ZNF385D: variants seen among roughly 807,000 people sequenced by gnomAD.
ZNF385D encodes zinc finger protein 385D, also known as zinc finger protein 659.
In ZNF385D, 15 loss-of-function variants were observed where a neutral mutation model predicts 35.8. That is an observed-to-expected ratio of 0.42 (90% confidence interval 0.28 to 0.64). The LOEUF is 0.64. Among genes scored for constraint, ZNF385D ranks in the 30% least tolerant of loss-of-function variants. The pLI is 0.23. For synonymous variants in ZNF385D, 212 were observed against 186.8 expected, an observed-to-expected ratio of 1.13 and a Z score of -1.10; for missense variants, 474 against 494.6, an observed-to-expected ratio of 0.96 and a Z score of 0.39.
At chr3:21,708,860 T>TGC (rs1268813170) in intron 1 of ZNF385D, among the ~76,000 whole-genome samples, 272 of 135,124 alleles carry the variant, frequency 2.0e-3, no homozygotes, top group Non-Finnish European at 3.6e-3. Context: ...TGTGTGGGCG[T>TGC]GCACACACAC....
At chr3:21,758,696 C>T (rs1037256077) in intron 3 of ZNF385D, among the ~76,000 whole-genome samples, 2 of 152,102 alleles carry the variant, frequency 1.3e-5, no homozygotes, top group Admixed American at 6.5e-5. Context: ...AAGCGTTACA[C>T]ACTTCCTTTC....
intron 3 of ZNF385D, among the ~76,000 whole-genome samples, chr3:22,126,007 G>T (rs1452714560): frequency 2.0e-5 from 3 of 151,650 alleles, no homozygotes; most frequent in Non-Finnish European, 4.4e-5. Flanking sequence ...TAGAGAAAAA[G>T]CTTTTAATTT....
chr3:21,787,884 G>A (rs2071757836), intron 3 of ZNF385D, among the ~76,000 whole-genome samples: 1 of 148,114 alleles, frequency 6.8e-6, no homozygotes, highest in Non-Finnish European at 1.5e-5. Context: ...GGAGCTTGCA[G>A]AGAGGCGAGA....
At chr3:22,098,213 T>C (rs1701734674) in intron 3 of ZNF385D, among the ~76,000 whole-genome samples, 2 of 152,028 alleles carry the variant, frequency 1.3e-5, no homozygotes, top group Non-Finnish European at 2.9e-5. Context: ...ATTTTCAACC[T>C]TGCATCATGG....
intron 2 of ZNF385D, among the ~76,000 whole-genome samples, chr3:22,272,561 C>T (rs557399630): frequency 6.6e-6 from 1 of 152,052 alleles, no homozygotes; most frequent in Non-Finnish European, 1.5e-5. Context: ...TGAAAGCAGC[C>T]TTGTAAAACC....
chr3:21,830,565 TCTTA>T (rs1442691229), intron 3 of ZNF385D, among the ~76,000 whole-genome samples: 1 of 152,262 alleles, frequency 6.6e-6, no homozygotes, highest in African/African-American at 2.4e-5. Context: ...GCTTAGCAAT[TCTTA>T]CTTGGTATTT....
At chr3:22,169,946 C>T (rs1694292124) in intron 2 of ZNF385D, among the ~76,000 whole-genome samples, 1 of 152,246 alleles carries the variant, frequency 6.6e-6, no homozygotes, top group Admixed American at 6.5e-5. Flanking sequence ...AGGTGTGTGC[C>T]ACCAATTATT....
intron 3 of ZNF385D, among the ~76,000 whole-genome samples, chr3:22,022,253 A>G (rs1415463391): frequency 6.6e-6 from 1 of 152,158 alleles, no homozygotes; most frequent in Non-Finnish European, 1.5e-5. Context: ...TTAAGCTTCA[A>G]AGGAATGTTA....
rs1700508454 is a variant in ZNF385D, at chr3:21,412,652, G to A, written c.*8562C>T. Reference sequence around the variant, plus strand: ...ATTGTCAAAGAGAGAGGATATAATGGCTAAGGATGTTCCTAGAGCTGCTGA... The same window carrying A: ...ATTGTCAAAGAGAGAGGATATAATGACTAAGGATGTTCCTAGAGCTGCTGA... On this transcript the variant is annotated 3_prime_UTR_variant, in exon 8 of 8. Transcript: ENST00000281523. 1 of 152,012 alleles carries A rather than the reference G, an allele frequency of 6.6e-6. No individual in the cohort carries two copies. Among genetic ancestry groups the A allele is most frequent in the Non-Finnish European group, 1.5e-5 (1 of 67,960 alleles). The allele number at this position is 152,012 out of a possible 1,614,324, so 9.4% of individuals were successfully genotyped here. A position where few individuals can be genotyped will look rare whatever the true frequency, so the allele number is the denominator to read the frequency against.
intron 3 of ZNF385D, among the ~76,000 whole-genome samples, chr3:22,067,817 A>T (rs978969904): frequency 1.3e-5 from 2 of 152,086 alleles, no homozygotes; most frequent in Non-Finnish European, 2.9e-5. Context: ...AGGTCAAGAG[A>T]TCGAGACCAT....
At chr3:22,050,350 A>C (rs1699273670) in intron 3 of ZNF385D, among the ~76,000 whole-genome samples, 1 of 152,126 alleles carries the variant, frequency 6.6e-6, no homozygotes, top group Admixed American at 6.5e-5. Context: ...TGACAGAGCA[A>C]GACTCTGTCA....
At chr3:22,144,389 T>C (rs1346487760) in intron 3 of ZNF385D, among the ~76,000 whole-genome samples, 2 of 151,858 alleles carry the variant, frequency 1.3e-5, no homozygotes, top group African/African-American at 4.8e-5. Context: ...GCCTGGCCAA[T>C]AGGGTGAAAC....
At chr3:21,764,468 C>T (rs1559599213) in intron 3 of ZNF385D, among the ~76,000 whole-genome samples, 1 of 152,100 alleles carries the variant, frequency 6.6e-6, no homozygotes, top group East Asian at 1.9e-4. Context: ...TAAACATATG[C>T]AATAATGCTG....
At position 21,868,935 on chromosome 3, in the gene ZNF385D, G is replaced by C. The variant is rs150276409; in HGVS notation, c.326-203907C>G. ...CCTATTTTCAGAGGTGAAATTTTAT[G>C]CTCTCTCATATTCTACAGATTGCCT... On this transcript the variant is annotated intron_variant, in intron 3 of 5. Transcript: ENST00000494108. Among the ~76,000 whole-genome samples, 261 of 152,138 alleles carry C rather than the reference G, an allele frequency of 1.7e-3. 1 individual carries two copies. The highest frequency in any genetic ancestry group is 5.6e-3 in the African/African-American group (234 of 41,530).
At chr3:21,765,467 C>T (rs1020172391) in intron 3 of ZNF385D, among the ~76,000 whole-genome samples, 10 of 152,078 alleles carry the variant, frequency 6.6e-5, no homozygotes, top group Admixed American at 1.3e-4. Flanking sequence ...TTTCTGAGAC[C>T]CATGACTTGT....
At chr3:22,003,824 A>C (rs560860655) in intron 3 of ZNF385D, among the ~76,000 whole-genome samples, 2 of 151,620 alleles carry the variant, frequency 1.3e-5, no homozygotes, top group Admixed American at 6.6e-5. Context: ...CCAAGATTGC[A>C]CCACTGCACT....
At chr3:21,925,451 C>T (rs541062010) in intron 3 of ZNF385D, among the ~76,000 whole-genome samples, 3 of 152,126 alleles carry the variant, frequency 2.0e-5, no homozygotes, top group South Asian at 2.1e-4. Context: ...AAATCTAACA[C>T]CTTATACAAA....
At chr3:21,654,426 G>C (rs1354121892) in intron 2 of ZNF385D, among the ~76,000 whole-genome samples, 2 of 152,032 alleles carry the variant, frequency 1.3e-5, no homozygotes, top group Non-Finnish European at 2.9e-5. Flanking sequence ...CACCTCTTCA[G>C]GATAAGAGAA....
intron 3 of ZNF385D, among the ~76,000 whole-genome samples, chr3:22,114,674 A>C (rs1480034316): frequency 6.6e-6 from 1 of 152,106 alleles, no homozygotes; most frequent in Non-Finnish European, 1.5e-5. Flanking sequence ...CTCCCAGGTC[A>C]GGGGTGAAGA....
Sources: gnomAD v4.1 joint callset for allele counts (sites outside exome capture counted in the v4.1 genomes callset) on GRCh38, gnomAD v4.1.1 for gene constraint, MANE v1.5 for transcripts, NCBI Gene and HGNC (gene_info 2026-07-23, HGNC 2026-07-21) for gene names.